CES4A: variants seen among roughly 807,000 people sequenced by gnomAD.
The protein encoded by CES4A is carboxylesterase 6.
In CES4A, 48 loss-of-function variants were observed where a neutral mutation model predicts 65.4. The ratio of observed to expected loss-of-function variants is 0.73; its 90% confidence interval spans 0.58 to 0.93. The LOEUF is 0.93. Ranked by LOEUF, CES4A falls within the 40% of genes least tolerant of loss-of-function variation. The pLI, the probability that CES4A is intolerant of heterozygous loss-of-function variation, is 0.00. For missense variants in CES4A, 685 were observed against 728.5 expected, an observed-to-expected ratio of 0.94 and a Z score of 0.69; for synonymous variants, 247 against 281.8, an observed-to-expected ratio of 0.88 and a Z score of 1.24.
In CES4A at chr16:67,000,839, C is replaced by T. The variant is rs1276727545; in HGVS notation, c.403-18C>T. ...CGCCGCCCACCGCCCCGCTCAGATC[C>T]CGGCCTTCTTCGTCCAGGTGATGGT... On this transcript the variant is annotated intron_variant, in intron 3 of 13. Coordinates refer to ENST00000648724, the Ensembl canonical transcript of CES4A. The surrounding 1 kb of genome is among the most constrained non-coding windows in gnomAD (Gnocchi z 4.2). 1.3e-6 allele frequency: 2 copies of T among 1,570,332 alleles called. No homozygotes were observed. Among genetic ancestry groups the T allele is most frequent in the Non-Finnish European group, 8.6e-7 (1 of 1,157,630 alleles).
At chr16:66,995,927 G>C (rs895073469) in intron 2 of CES4A, 98 bp downstream of exon 2, 8 of 1,216,834 alleles carry the variant, frequency 6.6e-6, no homozygotes, top group Non-Finnish European at 9.5e-6. Context: ...CTCACTGTGT[G>C]ATCACAGGCA....
chr16:66,989,715 C>T (rs1964223571), intron 1 of CES4A, among the ~76,000 whole-genome samples: 1 of 151,956 alleles, frequency 6.6e-6, no homozygotes, highest in East Asian at 1.9e-4. Flanking sequence ...ACTAGCCAGG[C>T]ATGGTGGCAC....
downstream of CES4A, among the ~76,000 whole-genome samples, chr16:67,009,934 A>G (rs1294236518): frequency 6.6e-6 from 1 of 152,074 alleles, no homozygotes; most frequent in African/African-American, 2.4e-5. Flanking sequence ...TGCACCCCTC[A>G]GGACAGCCAC....
chr16:67,000,164 T>G lies in CES4A; in HGVS notation c.261-474T>G, dbSNP rs1239602299. Among the ~76,000 whole-genome samples the G allele has an allele frequency of 2.6e-5, 4 of 152,120 alleles. No homozygotes were observed. The highest frequency in any genetic ancestry group is 4.4e-5 in the Non-Finnish European group (3 of 68,018). ...GATATGAAGAAGAGGAGTGACATAG[T>G]CCGCCAGAGTGTGGCCGAGGAGTAG... On this transcript the variant is annotated intron_variant, in intron 2 of 13. Transcript: ENST00000648724. The surrounding 1 kb of genome is among the most constrained non-coding windows in gnomAD (Gnocchi z 4.2).
rs748938654 is a variant in CES4A at position 67,001,295 on chromosome 16, C to A, written c.537-13C>A. On this transcript the variant is annotated splice_polypyrimidine_tract_variant and intron_variant, in intron 4 of 13. Transcript: ENST00000648724. This position sits in a 1 kb window ranked among gnomAD's most constrained non-coding sequence, Gnocchi z 4.1. ...GAGGCCCGGGACCCTGACAGTGAAC[C>A]CCACACGCCCAGCACGGACGACAGC... is the stretch of plus-strand genomic sequence containing the variant. 1.3e-6 allele frequency: 2 copies of A among 1,584,162 alleles called. No individual in the cohort carries two copies. The highest frequency in any genetic ancestry group is 1.8e-5 in the Admixed American group (1 of 56,464).
exon 13 of CES4A, chr16:67,006,753 A>G (rs1349516789): frequency 1.2e-6 from 2 of 1,613,910 alleles, no homozygotes; most frequent in South Asian, 1.1e-5. Context: ...AGGCCTTTCC[A>G]TGGGTAAGGA....
At chr16:67,008,810 C>T (rs1228455292) in intron 13 of CES4A, 164 bp from the exon 14 acceptor site, 14 of 703,708 alleles carry the variant, frequency 2.0e-5, no homozygotes, top group Non-Finnish European at 3.1e-5. Flanking sequence ...GGAAGGCCCA[C>T]CCCAATACAC....
Position 67,001,039 on chromosome 16 carries a change from G to T in CES4A, c.536+49G>T. ...GACCGCAGCTGTGGCCAGAGCGGCG[G>T]GGACTGGGTGGGAAGGGAGGGGCGG... is the stretch of plus-strand genomic sequence containing the variant. On this transcript the variant is annotated intron_variant, in intron 4 of 13. Transcript: ENST00000648724. This position sits in a 1 kb window ranked among gnomAD's most constrained non-coding sequence, Gnocchi z 4.1. 2.6e-6 allele frequency: 4 copies of T among 1,560,056 alleles called. No individual in the cohort carries two copies. Among genetic ancestry groups the T allele is most frequent in the Non-Finnish European group, 3.5e-6 (4 of 1,140,576 alleles).
In CES4A at chr16:67,009,352, C is replaced by T. The variant is rs187954940; in HGVS notation, c.*210C>T. 1.6e-3 allele frequency: 830 copies of T among 518,430 alleles called. 2 individuals carry two copies. The highest frequency in any genetic ancestry group is 4.6e-3 in the Middle Eastern group (9 of 1,956). The allele number at this position is 518,430 out of a possible 1,614,324, so 32.1% of individuals were successfully genotyped here. Reference sequence around the variant, plus strand: ...TTTCCAGCCTGACATCCCATGATGCCCCTCTACTTCACTGTTGACATCCAG... The same window carrying T: ...TTTCCAGCCTGACATCCCATGATGCTCCTCTACTTCACTGTTGACATCCAG... On this transcript the variant is annotated 3_prime_UTR_variant, in exon 14 of 14. Transcript: ENST00000648724.
exon 1 of CES4A, chr16:66,988,771 G>A (rs1168237832): frequency 1.3e-6 from 2 of 1,563,182 alleles, no homozygotes; most frequent in South Asian, 2.4e-5. Flanking sequence ...GCTGGCTGGA[G>A]CATGAGGTGG....
chr16:66,994,216 T>TTTTATTTATTTATTTATTTATTTA (rs59252158), intron 1 of CES4A, among the ~76,000 whole-genome samples: 1 of 144,118 alleles, frequency 6.9e-6, no homozygotes, highest in African/African-American at 2.7e-5. Context: ...AGACATAAAT[T>TTTTATTTATTTATTTATTTATTTA]TTTATTTATT....
intron 5 of CES4A, 128 bp from the exon 6 acceptor site, chr16:67,002,940 GAC>G (rs1965468224): frequency 2.7e-6 from 2 of 745,342 alleles, no homozygotes; most frequent in African/African-American, 1.7e-5. Flanking sequence ...CAGGACTCCT[GAC>G]TCCCTCCCAG....
chr16:67,001,485 C>G lies in CES4A; in HGVS notation c.690+24C>G, dbSNP rs376450554. The G allele has an allele frequency of 3.2e-6, 5 of 1,573,058 alleles. No individual in the cohort carries two copies. Among genetic ancestry groups the G allele is most frequent in the Non-Finnish European group, 1.7e-6 (2 of 1,160,018 alleles). On this transcript the variant is annotated intron_variant, in intron 5 of 13. Transcript: ENST00000648724. This position sits in a 1 kb window ranked among gnomAD's most constrained non-coding sequence, Gnocchi z 4.1. ...TGGTGAGAGCAATGCCCAGACGGAC[C>G]GAGCACAGACTTAGGCTCCTGCGTT...
In CES4A at chr16:67,001,006, C is replaced by T. The variant is rs1965276292; in HGVS notation, c.536+16C>T. Reference sequence around the variant, plus strand: ...GCTTCCTGAGGTGGCGGGGCCGGTACCCTTTGGGACCGCAGCTGTGGCCAG... The same window carrying T: ...GCTTCCTGAGGTGGCGGGGCCGGTATCCTTTGGGACCGCAGCTGTGGCCAG... On this transcript the variant is annotated intron_variant, in intron 4 of 13. Transcript: ENST00000648724. The surrounding 1 kb of genome is among the most constrained non-coding windows in gnomAD (Gnocchi z 4.1). The T allele has an allele frequency of 6.9e-6, 11 of 1,605,604 alleles. No homozygotes were observed. Among genetic ancestry groups the T allele is most frequent in the Non-Finnish European group, 9.4e-6 (11 of 1,175,472 alleles).
chr16:66,991,767 G>T (rs1056335297), intron 1 of CES4A, among the ~76,000 whole-genome samples: 14 of 152,232 alleles, frequency 9.2e-5, no homozygotes, highest in African/African-American at 2.6e-4. Flanking sequence ...TTCCACATTT[G>T]TATAGTTTTG....
chr16:66,997,925 A>T (rs1964978527), intron 2 of CES4A, among the ~76,000 whole-genome samples: 1 of 149,896 alleles, frequency 6.7e-6, no homozygotes, highest in Admixed American at 6.8e-5. Flanking sequence ...TTAGCCTGAG[A>T]GACAGAGTGA....
intron 1 of CES4A, among the ~76,000 whole-genome samples, chr16:66,994,702 G>A (rs551556266): frequency 7.9e-5 from 12 of 151,482 alleles, no homozygotes; most frequent in African/African-American, 2.9e-4. Context: ...AGCCAGGCAT[G>A]GTGGTGCATG....
intron 13 of CES4A, 112 bp downstream of exon 13, chr16:67,006,929 G>T (rs555018376): frequency 3.2e-6 from 3 of 952,188 alleles, no homozygotes; most frequent in Admixed American, 4.9e-5. Context: ...CTGCCCAGTC[G>T]GCCCAAACAG....
chr16:67,006,151 T>G, intron 11 of CES4A: 6 of 487,534 alleles, frequency 1.2e-5, no homozygotes, highest in East Asian at 6.9e-5. Flanking sequence ...ATCCTGTGAA[T>G]TAGGTTTTAG....
Sources: allele counts gnomAD v4.1 joint callset (sites outside exome capture counted in the v4.1 genomes callset), GRCh38; gene constraint gnomAD v4.1.1; non-coding constraint Gnocchi (gnomAD v3.1); transcripts MANE v1.5; gene names NCBI Gene and HGNC (gene_info 2026-07-23, HGNC 2026-07-21).